TANC1: variants seen among roughly 807,000 people sequenced by gnomAD.
TANC1 encodes the protein protein TANC1.
TANC1 carries 77 observed loss-of-function variants against 149.7 expected under a neutral mutation model. That is an observed-to-expected ratio of 0.51 (90% CI 0.43 to 0.62). The LOEUF is 0.62. Among genes scored for constraint, TANC1 ranks in the 20% least tolerant of loss-of-function variants. The probability of loss-of-function intolerance (pLI) is 0.00; values close to 1 mark genes in which losing one functional copy is unlikely to be tolerated. For synonymous variants in TANC1, 854 were observed against 925.0 expected, an observed-to-expected ratio of 0.92 and a Z score of 1.39; for missense variants, 1,985 against 2,321.8, an observed-to-expected ratio of 0.85 and a Z score of 2.98.
chr2:159,127,639 A>G (rs2049600395), intron 4 of TANC1, among the ~76,000 whole-genome samples: 1 of 151,918 alleles, frequency 6.6e-6, no homozygotes, highest in Admixed American at 6.6e-5. Context: ...GAACAAGATC[A>G]TGTCCTTTGC....
intron 2 of TANC1, among the ~76,000 whole-genome samples, chr2:159,038,338 C>G (rs896057893): frequency 2.6e-5 from 4 of 152,236 alleles, no homozygotes; most frequent in Non-Finnish European, 4.4e-5. Context: ...AATCAAATAC[C>G]CTTTATTTCT....
chr2:159,071,572 T>C (rs1361737867), intron 3 of TANC1, among the ~76,000 whole-genome samples: 3 of 152,242 alleles, frequency 2.0e-5, no homozygotes, highest in Non-Finnish European at 4.4e-5. Flanking sequence ...AGGAAGCTGT[T>C]TGCCTCTAAA....
chr2:159,150,311 G>T lies in TANC1; in HGVS notation c.496-59G>T, dbSNP rs958744680. 8.6e-6 allele frequency: 12 copies of T among 1,398,024 alleles called. No homozygotes were observed. In the African/African-American group the frequency reaches 1.7e-4, roughly 20 times the overall value. The allele number at this position is 1,398,024 out of a possible 1,614,324, so 86.6% of individuals were successfully genotyped here. A position where few individuals can be genotyped will look rare whatever the true frequency, so the allele number is the denominator to read the frequency against. ...TTATTGTTTTAGCACAAAAACAAAA[G>T]CATGTGTCGAAGCATCCTGTGTAAG... On this transcript the variant is annotated intron_variant, in intron 6 of 26. Coordinates refer to ENST00000263635, the MANE Select transcript of TANC1 (RefSeq NM_033394.3).
At chr2:159,104,981 CTTTTTTTTTTTTTTTTTTTT>C (rs146778655) in intron 4 of TANC1, among the ~76,000 whole-genome samples, 1 of 43,342 alleles carries the variant, frequency 2.3e-5, no homozygotes, top group Non-Finnish European at 4.7e-5. Flanking sequence ...TGGATATTTG[CTTTTTTTTTTTTTTTTTTTT>C]TTTTTTTTTT....
chr2:159,071,141 C>T (rs142946942), intron 3 of TANC1, among the ~76,000 whole-genome samples: 45 of 152,168 alleles, frequency 3.0e-4, no homozygotes, highest in Non-Finnish European at 4.7e-4. Context: ...GTGTTTTGCC[C>T]GCTGTAATTC....
At chr2:159,187,652 A>G (rs929750782) in intron 16 of TANC1, among the ~76,000 whole-genome samples, 1 of 152,142 alleles carries the variant, frequency 6.6e-6, no homozygotes, top group African/African-American at 2.4e-5. Context: ...AAGGCCACAG[A>G]GACAGTGTCC....
At chr2:158,988,564 A>ACAG (rs1193346380) in intron 1 of TANC1, among the ~76,000 whole-genome samples, 1 of 152,038 alleles carries the variant, frequency 6.6e-6, no homozygotes, top group Non-Finnish European at 1.5e-5. Context: ...TGTTGCAATG[A>ACAG]CAGGGCTTCC....
In TANC1 at chr2:159,230,293, A is replaced by G; in HGVS notation, c.4867A>G (p.Lys1623Glu). ...ENGPAHPLPS[K>E]TKTTERLLSH... ...TGGCCCTGCACACCCTTTACCAAGT[A>G]AGACGAAAACCACAGAGAGGCTTCT... The change falls in exon 27 of 27, where the codon AAG becomes GAG. Residue 1623 changes from lysine to glutamate, a missense_variant. Physicochemically the swap from Lys to Glu is moderately conservative, Grantham distance 56 (BLOSUM62 1). This residue lies in a region of TANC1 where 920 missense variants were observed against 994.7 expected (regional missense o/e 0.92). Transcript: ENST00000263635. The surrounding 1 kb of genome is among the most constrained non-coding windows in gnomAD (Gnocchi z 4.4). 6.2e-7 allele frequency: 1 copy of G among 1,614,126 alleles called. No individual in the cohort carries two copies. The highest frequency in any genetic ancestry group is 8.5e-7 in the Non-Finnish European group (1 of 1,180,028).
Position 159,178,879 on chromosome 2 carries a change from C to T in TANC1, c.2226C>T (p.Asn742=). 1 of 1,614,212 alleles carries T rather than the reference C, an allele frequency of 6.2e-7. No individual in the cohort carries two copies. The highest frequency in any genetic ancestry group is 8.5e-7 in the Non-Finnish European group (1 of 1,180,034). The stretch of plus-strand genomic sequence containing the variant: ...CTGAGCTCTATTTGCTTCAGTGCAA[C>T]ATGAAGTTCATGACCCAGTCCGCCT... ...SLSELYLLQC[N]MKFMTQSAFE... is the part of the protein sequence containing the mutation. Residue 742 remains asparagine (N), a synonymous_variant, in exon 14 of 27, where the codon AAC becomes AAT. Coordinates refer to ENST00000263635, the MANE Select transcript of TANC1 (RefSeq NM_033394.3).
intron 3 of TANC1, 83 bp from the exon 4 acceptor site, chr2:159,097,554 G>C: frequency 4.9e-6 from 5 of 1,030,096 alleles, no homozygotes; most frequent in Non-Finnish European, 7.4e-6. Context: ...ATTATATTCT[G>C]AGAATATAGT....
rs374770546 is a variant in TANC1, at chr2:159,228,881, C to T, written c.4136C>T (p.Ala1379Val). The T allele has an allele frequency of 1.2e-5, 20 of 1,613,724 alleles. No individual in the cohort carries two copies. Among genetic ancestry groups the T allele is most frequent in the Admixed American group, 3.3e-5 (2 of 60,026 alleles). The change falls in exon 26 of 27, where the codon GCG (alanine) becomes GTG (valine). Residue 1379 changes from alanine (A) to valine (V), a missense_variant. Around this residue, in one of 3 missense-constraint regions of TANC1, gnomAD observed 920 missense variants for 994.7 expected, o/e 0.92. Transcript: ENST00000263635. ...GAAGCCTTTTATGCCAGAGCAAGAG[C>T]GAAGAGAAATAGCAGGTACCGTCTG... ...SYEAFYARAR[A>V]KRNSRQFVAA...
Position 159,228,653 on chromosome 2 carries a change from A to G in TANC1, c.4051-143A>G, listed in dbSNP as rs2060163547. ...ACCATCATTATCTCCTCACTTTAAA[A>G]CAAGATAGAAAACGGAACTTTCCCT... is the stretch of plus-strand genomic sequence containing the variant. On this transcript the variant is annotated intron_variant, in intron 25 of 26. Coordinates refer to ENST00000263635, the MANE Select transcript of TANC1 (RefSeq NM_033394.3). 6.0e-6 allele frequency: 4 copies of G among 664,740 alleles called. No individual in the cohort carries two copies. The Admixed American group carries it at 7.1e-5, about 12-fold the overall frequency. 41.2% of individuals were successfully genotyped at this position (664,740 alleles called of 1,614,324 possible). A position where few individuals can be genotyped will look rare whatever the true frequency, so the allele number is the denominator to read the frequency against.
At chr2:159,179,781 T>G (rs2056283737) in intron 14 of TANC1, among the ~76,000 whole-genome samples, 1 of 152,216 alleles carries the variant, frequency 6.6e-6, no homozygotes, top group African/African-American at 2.4e-5. Context: ...GGGCCGCTGT[T>G]ATCACAGTGG....
chr2:159,176,329 G>T, intron 12 of TANC1, 23 bp from the exon 13 acceptor site: 1 of 1,383,838 alleles, frequency 7.2e-7, no homozygotes, highest in Non-Finnish European at 9.8e-7. Flanking sequence ...TTCTTAATTT[G>T]AAAAAATTAT....
At chr2:159,155,674 G>A (rs994323899) in intron 7 of TANC1, among the ~76,000 whole-genome samples, 1 of 152,206 alleles carries the variant, frequency 6.6e-6, no homozygotes, top group Non-Finnish European at 1.5e-5. Context: ...AAGCTCTTCT[G>A]AATGCCTTTC....
At chr2:159,163,845 A>G (rs1044925078) in intron 8 of TANC1, among the ~76,000 whole-genome samples, 1 of 152,134 alleles carries the variant, frequency 6.6e-6, no homozygotes. Flanking sequence ...TTTAAGCCTT[A>G]GAAAATTCAT....
At chr2:159,148,918 C>G (rs1038513728) in intron 5 of TANC1, 9 of 434,016 alleles carry the variant, frequency 2.1e-5, no homozygotes, top group Non-Finnish European at 2.8e-5. Context: ...GCTCTTCTCA[C>G]TCACCCTTTG....
At chr2:159,107,449 A>G (rs1056037997) in intron 4 of TANC1, among the ~76,000 whole-genome samples, 2 of 152,204 alleles carry the variant, frequency 1.3e-5, no homozygotes, top group African/African-American at 4.8e-5. Flanking sequence ...AAAGATACAT[A>G]TCCCTGTTTT....
intron 1 of TANC1, among the ~76,000 whole-genome samples, chr2:158,983,705 T>A (rs1460834317): frequency 6.6e-6 from 1 of 152,130 alleles, no homozygotes; most frequent in Non-Finnish European, 1.5e-5. Context: ...TGTGCTCAAG[T>A]CATACATGCA....
Sources: allele counts gnomAD v4.1 joint callset (sites outside exome capture counted in the v4.1 genomes callset), GRCh38; gene constraint gnomAD v4.1.1; regional missense constraint gnomAD v4.1.1; non-coding constraint Gnocchi (gnomAD v3.1); transcripts MANE v1.5; gene names NCBI Gene and HGNC (gene_info 2026-07-23, HGNC 2026-07-21).